The following NFATC2 variants were observed in gnomAD, a reference collection of about 807,000 sequenced individuals.
NFATC2 encodes the protein nuclear factor of activated T cells 2.
NFATC2 carries 22 observed loss-of-function variants against 87.3 expected under a neutral mutation model. That is an observed-to-expected ratio of 0.25 (90% CI 0.18 to 0.36). The LOEUF (loss-of-function observed/expected upper bound fraction) is 0.36. Among genes scored for constraint, NFATC2 ranks in the 10% least tolerant of loss-of-function variants. The pLI, the probability that NFATC2 is intolerant of heterozygous loss-of-function variation, is 1.00. For missense variants in NFATC2, 1,149 were observed against 1,259.1 expected, an observed-to-expected ratio of 0.91 and a Z score of 1.32; for synonymous variants, 565 against 542.2, an observed-to-expected ratio of 1.04 and a Z score of -0.58.
At chr20:51,404,314 C>A (rs1988345548) in intron 9 of NFATC2, among the ~76,000 whole-genome samples, 3 of 152,192 alleles carry the variant, frequency 2.0e-5, no homozygotes, top group Admixed American at 6.5e-5. Flanking sequence ...AAATCCTAAC[C>A]CTTTCTGTGC....
intron 6 of NFATC2, among the ~76,000 whole-genome samples, chr20:51,452,165 G>A (rs961575463): frequency 3.9e-5 from 6 of 151,998 alleles, no homozygotes; most frequent in Admixed American, 1.3e-4. Context: ...TCAACTCACT[G>A]CCACCTGGGT....
upstream of NFATC2, chr20:51,562,759 C>T: frequency 2.5e-6 from 2 of 814,892 alleles, no homozygotes; most frequent in East Asian, 5.8e-5. This position sits in a 1 kb window ranked among gnomAD's most constrained non-coding sequence, Gnocchi z 5.8. Context: ...CTCGGAGCGA[C>T]CCGGGAGCTG....
intron 3 of NFATC2, among the ~76,000 whole-genome samples, chr20:51,490,088 G>A (rs1013848294): frequency 3.3e-5 from 5 of 152,156 alleles, no homozygotes; most frequent in African/African-American, 4.8e-5. Context: ...CCATGCTGGG[G>A]AAAACTGGAT....
chr20:51,413,005 C>T lies in NFATC2; in HGVS notation c.2723-14275G>A, dbSNP rs7272990. Among the ~76,000 whole-genome samples the T allele has an allele frequency of 4.4e-4, 61 of 137,288 alleles. 2 individuals are homozygous for T. The highest frequency in any genetic ancestry group is 8.4e-4 in the African/African-American group (30 of 35,820). 90.1% of individuals were successfully genotyped at this position (137,288 alleles called of 152,430 possible). On this transcript the variant is annotated intron_variant, in intron 9 of 10. Transcript: ENST00000371564. The stretch of plus-strand genomic sequence containing the variant: ...ATCCCCCGCTCCCGCCGCCCCCCCC[C>T]CTCCCCGCCAAACACATGGAGCCGA...
intron 1 of NFATC2, among the ~76,000 whole-genome samples, chr20:51,559,251 G>A (rs771676316): frequency 3.9e-5 from 6 of 152,210 alleles, no homozygotes; most frequent in Non-Finnish European, 5.9e-5. Flanking sequence ...GGAAGTCAAA[G>A]CAAGAAGCCC....
intron 9 of NFATC2, among the ~76,000 whole-genome samples, chr20:51,421,649 C>A (rs1980941331): frequency 1.3e-5 from 2 of 152,206 alleles, no homozygotes; most frequent in Non-Finnish European, 2.9e-5. Context: ...CAGTAGCTGC[C>A]ATGCAGGAGG....
chr20:51,465,688 T>A (rs1408646223), intron 5 of NFATC2, among the ~76,000 whole-genome samples: 3 of 151,994 alleles, frequency 2.0e-5, no homozygotes, highest in Admixed American at 6.6e-5. Context: ...AGACACATAT[T>A]TAACCAGCCT....
At chr20:51,550,843 T>C (rs1167509620) in intron 1 of NFATC2, among the ~76,000 whole-genome samples, 1 of 152,176 alleles carries the variant, frequency 6.6e-6, no homozygotes, top group Non-Finnish European at 1.5e-5. Flanking sequence ...CAAAGTACAG[T>C]TTCTACTGAA....
chr20:51,398,645 T>C lies in NFATC2; in HGVS notation c.*42A>G. On this transcript the variant is annotated splice_region_variant and 3_prime_UTR_variant, in exon 10 of 11. Coordinates refer to ENST00000371564, the MANE Select transcript of NFATC2 (RefSeq NM_012340.5). ...GAGAAGCAGAAGATATCGATTACCT[T>C]TAACTTTGATTTCTCGGATCAAAGA... 1 of 1,602,694 alleles carries C rather than the reference T, an allele frequency of 6.2e-7. No individual in the cohort carries two copies. Among genetic ancestry groups the C allele is most frequent in the Non-Finnish European group, 8.5e-7 (1 of 1,172,960 alleles).
At chr20:51,422,267 G>T (rs889164627) in intron 9 of NFATC2, among the ~76,000 whole-genome samples, 4 of 152,226 alleles carry the variant, frequency 2.6e-5, no homozygotes, top group Non-Finnish European at 5.9e-5. Flanking sequence ...CCTTGCCAGA[G>T]ATCTGATTTT....
intron 10 of NFATC2, among the ~76,000 whole-genome samples, chr20:51,395,488 T>C (rs1255992917): frequency 2.0e-5 from 3 of 152,132 alleles, no homozygotes; most frequent in Admixed American, 6.5e-5. Context: ...CTGGAGAAAG[T>C]GTCCCTTTCT....
At chr20:51,534,174 G>A (rs543517112) in intron 1 of NFATC2, among the ~76,000 whole-genome samples, 1 of 151,820 alleles carries the variant, frequency 6.6e-6, no homozygotes, top group African/African-American at 2.4e-5. Context: ...GAGGCTTGGG[G>A]TGCAGGGAAA....
intron 6 of NFATC2, among the ~76,000 whole-genome samples, chr20:51,446,380 A>G (rs570008256): frequency 8.7e-4 from 133 of 152,194 alleles, no homozygotes; most frequent in African/African-American, 2.9e-3. Context: ...ATCTCCTTCT[A>G]TTGCTAATAC....
chr20:51,484,996 A>C (rs1989588001), intron 3 of NFATC2, among the ~76,000 whole-genome samples: 1 of 152,380 alleles, frequency 6.6e-6, no homozygotes, highest in South Asian at 2.1e-4. Flanking sequence ...AGGCTCTCTC[A>C]GTGTTCTAAA....
intron 1 of NFATC2, among the ~76,000 whole-genome samples, chr20:51,539,608 G>C (rs866962692): frequency 3.3e-5 from 5 of 152,140 alleles, no homozygotes; most frequent in East Asian, 1.9e-4. Flanking sequence ...CTAAGCCTCC[G>C]AGTAGCTGGG....
At chr20:51,394,652 T>G (rs2146206501) in intron 10 of NFATC2, among the ~76,000 whole-genome samples, 1 of 152,284 alleles carries the variant, frequency 6.6e-6, no homozygotes, top group Middle Eastern at 3.4e-3. Context: ...TAACATTTAT[T>G]TATGAACAGA....
chr20:51,485,359 T>C (rs961409450), intron 3 of NFATC2, among the ~76,000 whole-genome samples: 1 of 152,296 alleles, frequency 6.6e-6, no homozygotes, highest in Middle Eastern at 3.4e-3. Context: ...GCTGCCCCTC[T>C]CCACTCTCAG....
intron 1 of NFATC2, among the ~76,000 whole-genome samples, chr20:51,536,490 C>T (rs1489422308): frequency 6.6e-6 from 1 of 152,174 alleles, no homozygotes; most frequent in Non-Finnish European, 1.5e-5. Flanking sequence ...GAGCCCCTTG[C>T]CACCCATTCT....
At chr20:51,484,610 C>A (rs1989552338) in intron 3 of NFATC2, among the ~76,000 whole-genome samples, 1 of 152,212 alleles carries the variant, frequency 6.6e-6, no homozygotes, top group Non-Finnish European at 1.5e-5. Context: ...CAGACCTACG[C>A]CTCTCCCATG....
Sources: allele counts gnomAD v4.1 joint callset (sites outside exome capture counted in the v4.1 genomes callset), GRCh38; gene constraint gnomAD v4.1.1; non-coding constraint Gnocchi (gnomAD v3.1); transcripts MANE v1.5; gene names NCBI Gene and HGNC (gene_info 2026-07-23, HGNC 2026-07-21).